Variants in RBFOX1 observed in about 807,000 individuals in gnomAD.
The protein encoded by RBFOX1 is RNA binding fox-1 homolog 1, also known as RNA binding protein fox-1 homolog 1.
A neutral mutation model predicts 57.7 loss-of-function variants in RBFOX1; 8 were observed. The observed-to-expected ratio is 0.14, with a 90% CI of 0.08 to 0.25. RBFOX1 has a LOEUF of 0.25. Ranked by LOEUF, RBFOX1 falls within the 10% of genes least tolerant of loss-of-function variation. The probability of loss-of-function intolerance (pLI) is 1.00; values close to 1 mark genes in which losing one functional copy is unlikely to be tolerated. For synonymous variants in RBFOX1, 326 were observed against 222.4 expected (o/e 1.47, Z -4.15); for missense variants, 611 against 548.5 (o/e 1.11, Z -1.14).
chr16:6,927,019 G>A (rs2075713924), intron 3 of RBFOX1, among the ~76,000 whole-genome samples: 1 of 152,028 alleles, frequency 6.6e-6, no homozygotes, highest in African/African-American at 2.4e-5. Context: ...CTCAACCAGC[G>A]ATTACTATTA....
At position 6,856,398 on chromosome 16, in the gene RBFOX1, G is replaced by A. The variant is rs190501230; in HGVS notation, c.-15-195659G>A. On this transcript the variant is annotated intron_variant, in intron 3 of 15. Transcript: ENST00000550418. ...ATGTCTCCTTGGAGTCCCTGTTTGA[G>A]GCTAGGATTTAGGTGAGCAATCCTG... is the stretch of plus-strand genomic sequence containing the variant. Among the ~76,000 whole-genome samples, 269 of 152,218 alleles carry A rather than the reference G, an allele frequency of 1.8e-3. 1 individual carries two copies. Among genetic ancestry groups the A allele is most frequent in the African/African-American group, 5.7e-3 (236 of 41,516 alleles).
chr16:7,487,009 C>G (rs1323318148), intron 4 of RBFOX1, among the ~76,000 whole-genome samples: 1 of 152,174 alleles, frequency 6.6e-6, no homozygotes, highest in Non-Finnish European at 1.5e-5. Flanking sequence ...AAGCAGTTCT[C>G]CTGTCTCAGC....
chr16:5,906,162 C>A (rs775293075), intron 4 of RBFOX1, among the ~76,000 whole-genome samples: 1 of 152,158 alleles, frequency 6.6e-6, no homozygotes, highest in Non-Finnish European at 1.5e-5. Context: ...CTCCCCCAGA[C>A]TGGTGAAGTC....
intron 2 of RBFOX1, among the ~76,000 whole-genome samples, chr16:6,480,859 T>A (rs2095361309): frequency 2.0e-5 from 3 of 152,230 alleles, no homozygotes; most frequent in African/African-American, 7.2e-5. Context: ...GGTATTCATA[T>A]GTGGCTTTAT....
intron 14 of RBFOX1, chr16:7,693,393 GCATC>G: frequency 1.3e-6 from 2 of 1,503,810 alleles, no homozygotes; most frequent in Non-Finnish European, 1.8e-6. Context: ...ACTTCTTGAT[GCATC>G]CATCCAAGTC....
intron 3 of RBFOX1, among the ~76,000 whole-genome samples, chr16:6,915,751 C>T (rs1418256027): frequency 6.6e-6 from 1 of 152,032 alleles, no homozygotes; most frequent in Non-Finnish European, 1.5e-5. Flanking sequence ...AGGGTTTTGC[C>T]ATGTTGCCCA....
chr16:7,067,706 C>T (rs2056423818), intron 4 of RBFOX1, among the ~76,000 whole-genome samples: 1 of 120,474 alleles, frequency 8.3e-6, no homozygotes, highest in South Asian at 3.2e-4. Context: ...CCACAACAAT[C>T]CCCAGAGTGT....
chr16:6,865,989 C>CG (rs1481934104), intron 3 of RBFOX1, among the ~76,000 whole-genome samples: 7 of 151,710 alleles, frequency 4.6e-5, no homozygotes, highest in African/African-American at 7.3e-5. Context: ...AAAAAACAAT[C>CG]GGGGAAAAAA....
chr16:6,831,858 G>T (rs1335817365), intron 3 of RBFOX1, among the ~76,000 whole-genome samples: 1 of 152,146 alleles, frequency 6.6e-6, no homozygotes, highest in Admixed American at 6.5e-5. Flanking sequence ...ATGCTAGGGA[G>T]CATCATTTAT....
intron 3 of RBFOX1, among the ~76,000 whole-genome samples, chr16:5,688,843 T>A (rs2050582579): frequency 6.6e-6 from 1 of 152,192 alleles, no homozygotes; most frequent in Non-Finnish European, 1.5e-5. Flanking sequence ...AACTAGAGAC[T>A]CAACGTTTGC....
chr16:5,573,584 T>C (rs553659069), intron 2 of RBFOX1, among the ~76,000 whole-genome samples: 2 of 152,154 alleles, frequency 1.3e-5, no homozygotes, highest in African/African-American at 2.4e-5. Flanking sequence ...AAGGAGGCCT[T>C]GTTTGTCTGC....
At chr16:5,300,541 A>G (rs900466757) in intron 1 of RBFOX1, among the ~76,000 whole-genome samples, 1 of 152,188 alleles carries the variant, frequency 6.6e-6, no homozygotes, top group Non-Finnish European at 1.5e-5. Flanking sequence ...AAGTGTCCTC[A>G]TCTCTATTAT....
At chr16:6,723,271 C>A (rs1045257248) in intron 3 of RBFOX1, among the ~76,000 whole-genome samples, 1 of 152,188 alleles carries the variant, frequency 6.6e-6, no homozygotes, top group African/African-American at 2.4e-5. Flanking sequence ...CTTCGTGTTT[C>A]TTACCTGGAC....
At chr16:7,289,735 C>G (rs1051449757) in intron 4 of RBFOX1, among the ~76,000 whole-genome samples, 1 of 152,064 alleles carries the variant, frequency 6.6e-6, no homozygotes, top group Non-Finnish European at 1.5e-5. Flanking sequence ...AGGGGTTGCA[C>G]CAAGAAATTT....
intron 1 of RBFOX1, among the ~76,000 whole-genome samples, chr16:6,137,100 T>G (rs546956713): frequency 6.6e-6 from 1 of 152,316 alleles, no homozygotes; most frequent in East Asian, 1.9e-4. Context: ...CCAGGTACTT[T>G]CATGAATCAC....
At chr16:5,997,301 C>T (rs931555563) in intron 4 of RBFOX1, among the ~76,000 whole-genome samples, 2 of 152,214 alleles carry the variant, frequency 1.3e-5, no homozygotes, top group Non-Finnish European at 2.9e-5. Context: ...AGGTAAACAG[C>T]CCAGTGTGGC....
At chr16:5,441,200 G>C (rs964815858) in intron 1 of RBFOX1, among the ~76,000 whole-genome samples, 3 of 152,020 alleles carry the variant, frequency 2.0e-5, no homozygotes, top group African/African-American at 7.2e-5. Context: ...TATTTTTCAG[G>C]TTATTGTAGA....
intron 4 of RBFOX1, among the ~76,000 whole-genome samples, chr16:7,099,137 C>T (rs1380057604): frequency 6.6e-6 from 1 of 151,900 alleles, no homozygotes; most frequent in African/African-American, 2.4e-5. Flanking sequence ...CAGATAGTAG[C>T]TGTTTACTAA....
At chr16:5,719,268 C>G (rs7198751) in intron 3 of RBFOX1, among the ~76,000 whole-genome samples, 17,488 of 147,916 alleles carry the variant, frequency 0.12, 1,399 homozygotes, top group Non-Finnish European at 0.18. Flanking sequence ...GTGGCACGAT[C>G]TCGGCTCACT....
Sources: allele counts gnomAD v4.1 joint callset (sites outside exome capture counted in the v4.1 genomes callset), GRCh38; gene constraint gnomAD v4.1.1; transcripts MANE v1.5; gene names NCBI Gene and HGNC (gene_info 2026-07-23, HGNC 2026-07-21).